The following NRTN variants were observed in gnomAD, a reference collection of about 807,000 sequenced individuals.
NRTN encodes prepro-neurturin.
NRTN carries 3 observed loss-of-function variants against 7.5 expected under a neutral mutation model. That is an observed-to-expected ratio of 0.40 (90% CI 0.18 to 1.03). NRTN has a LOEUF of 1.03. Among genes scored for constraint, NRTN ranks in the 50% least tolerant of loss-of-function variants. NRTN has a pLI of 0.34. For missense variants in NRTN, 310 were observed against 307.0 expected (o/e 1.01, Z -0.07); for synonymous variants, 157 against 146.6 (o/e 1.07, Z -0.51).
Position 5,806,724 on chromosome 19 carries a change from A to G in NRTN, c.-399+1273A>G, listed in dbSNP as rs967576032. Among the ~76,000 whole-genome samples, 2 of 152,156 alleles carry G rather than the reference A, an allele frequency of 1.3e-5. No individual in the cohort carries two copies. The highest frequency in any genetic ancestry group is 1.3e-4 in the Admixed American group (2 of 15,272). On this transcript the variant is annotated intron_variant, in intron 1 of 2. Transcript: ENST00000303212. This position sits in a 1 kb window ranked among gnomAD's most constrained non-coding sequence, Gnocchi z 5.4. ...AAAGCTTCTTCCAGGGGTGCAGGGA[A>G]GAAAATAAAACATTCCCCTCTTCAG...
chr19:5,810,702 G>A (rs1478089254), intron 1 of NRTN, among the ~76,000 whole-genome samples: 1 of 152,090 alleles, frequency 6.6e-6, no homozygotes, highest in Non-Finnish European at 1.5e-5. Flanking sequence ...GGGAGGCCGA[G>A]GCGGGCGGAT....
intron 1 of NRTN, among the ~76,000 whole-genome samples, chr19:5,813,733 G>A (rs1219609598): frequency 1.3e-5 from 2 of 151,652 alleles, no homozygotes; most frequent in African/African-American, 2.4e-5. Context: ...CCAGTTACTC[G>A]GGAGGCTGAG....
At chr19:5,808,908 A>T (rs929473835) in intron 1 of NRTN, among the ~76,000 whole-genome samples, 16 of 151,074 alleles carry the variant, frequency 1.1e-4, no homozygotes, top group Non-Finnish European at 1.5e-4. Context: ...GGCGCCCACC[A>T]CCACGCCCGG....
intron 2 of NRTN, among the ~76,000 whole-genome samples, chr19:5,827,029 A>T (rs1028323579): frequency 6.6e-6 from 1 of 152,150 alleles, no homozygotes; most frequent in East Asian, 1.9e-4. Flanking sequence ...TGGGGTCCCC[A>T]CACAGGCTTC....
chr19:5,824,234 T>G lies in NRTN; in HGVS notation c.69T>G (p.Cys23Trp). 2 of 1,612,422 alleles carry G rather than the reference T, an allele frequency of 1.2e-6. No individual in the cohort carries two copies. The highest frequency in any genetic ancestry group is 1.7e-6 in the Non-Finnish European group (2 of 1,179,906). Residue 23 changes from cysteine (C) to tryptophan (W), a missense_variant, in exon 2 of 3, where the codon TGT becomes TGG. Coordinates refer to ENST00000303212, the MANE Select transcript of NRTN (RefSeq NM_004558.5). ...LCSSVLSIWMCREGLLLSHRL... is the reference protein window; with the variant it reads ...LCSSVLSIWMWREGLLLSHRL... Reference sequence around the variant, plus strand: ...GCTCCGTGCTGTCCATCTGGATGTGTCGAGAGGGCCTGCTTCTCAGCCACC... The same window carrying G: ...GCTCCGTGCTGTCCATCTGGATGTGGCGAGAGGGCCTGCTTCTCAGCCACC...
At chr19:5,809,054 C>T (rs999633760) in intron 1 of NRTN, among the ~76,000 whole-genome samples, 1 of 151,372 alleles carries the variant, frequency 6.6e-6, no homozygotes, top group African/African-American at 2.4e-5. Flanking sequence ...TGCGCCCGTC[C>T]AATGGTGGCA....
At position 5,813,676 on chromosome 19, in the gene NRTN, G is replaced by A. The variant is rs371180317; in HGVS notation, c.-399+8225G>A. Among the ~76,000 whole-genome samples, 5 of 140,628 alleles carry A rather than the reference G, an allele frequency of 3.6e-5. No homozygotes were observed. The East Asian group carries it at 1.0e-3, about 29-fold the overall frequency. The allele number at this position is 140,628 out of a possible 152,430, so 92.3% of individuals were successfully genotyped here. On this transcript the variant is annotated intron_variant, in intron 1 of 2. Coordinates refer to ENST00000303212, the MANE Select transcript of NRTN (RefSeq NM_004558.5). Reference sequence around the variant, plus strand: ...AGCTTGGGCAACAGAGCAAGACTCCGTCTGAAAAAAAAAAAAAGCCAGGCA... The same window carrying A: ...AGCTTGGGCAACAGAGCAAGACTCCATCTGAAAAAAAAAAAAAGCCAGGCA...
chr19:5,817,949 A>G (rs963272054), intron 1 of NRTN, among the ~76,000 whole-genome samples: 40 of 150,818 alleles, frequency 2.7e-4, no homozygotes, highest in African/African-American at 9.3e-4. Flanking sequence ...ACAGGCGCAC[A>G]CTGCCACACC....
At chr19:5,819,378 TTGG>T (rs920592510) in intron 1 of NRTN, among the ~76,000 whole-genome samples, 48 of 151,496 alleles carry the variant, frequency 3.2e-4, no homozygotes, top group African/African-American at 1.2e-3. Flanking sequence ...AATATAAAAA[TTGG>T]TCAGGTGTGG....
rs761034265 is a variant in NRTN at position 5,827,724 on chromosome 19, C to G, written c.170-25C>G. 9.4e-6 allele frequency: 11 copies of G among 1,174,926 alleles called. No individual in the cohort carries two copies. In the Admixed American group the frequency reaches 3.9e-4, roughly 42 times the overall value. The allele number at this position is 1,174,926 out of a possible 1,614,324, so 72.8% of individuals were successfully genotyped here. A position where few individuals can be genotyped will look rare whatever the true frequency, so the allele number is the denominator to read the frequency against. ...CACCCCCTGCACCCACTGACCCCCC[C>G]TCCTTTCTCTTCCTCCCCTCGCAGA... On this transcript the variant is annotated intron_variant, in intron 2 of 2. Coordinates refer to ENST00000303212, the MANE Select transcript of NRTN (RefSeq NM_004558.5).
chr19:5,808,800 G>A (rs2056981325), intron 1 of NRTN, among the ~76,000 whole-genome samples: 1 of 147,530 alleles, frequency 6.8e-6, no homozygotes, highest in Admixed American at 6.9e-5. Context: ...CTGTCACCCA[G>A]GTTGGAGTGC....
intron 1 of NRTN, among the ~76,000 whole-genome samples, chr19:5,807,034 C>T (rs1052473103): frequency 6.6e-6 from 1 of 152,168 alleles, no homozygotes; most frequent in Non-Finnish European, 1.5e-5. Flanking sequence ...GGATGGAGGG[C>T]TCTACCTCAG....
At chr19:5,824,377 G>A (rs926230036) in intron 2 of NRTN, 43 bp downstream of exon 2, 5 of 1,563,434 alleles carry the variant, frequency 3.2e-6, no homozygotes, top group African/African-American at 2.7e-5. Context: ...CCCAACGTAA[G>A]GGGTAGAATT....
chr19:5,809,316 A>C (rs1044094076), intron 1 of NRTN, among the ~76,000 whole-genome samples: 1 of 151,766 alleles, frequency 6.6e-6, no homozygotes, highest in Non-Finnish European at 1.5e-5. Context: ...GACTACAGGT[A>C]CATGCCACCA....
At chr19:5,818,783 G>A (rs181296607) in intron 1 of NRTN, among the ~76,000 whole-genome samples, 23 of 151,412 alleles carry the variant, frequency 1.5e-4, no homozygotes, top group African/African-American at 5.3e-4. Context: ...ACCTGGTCGC[G>A]TCCGTGCCAG....
At chr19:5,817,504 GA>G (rs1258748948) in intron 1 of NRTN, among the ~76,000 whole-genome samples, 11 of 135,398 alleles carry the variant, frequency 8.1e-5, no homozygotes, top group African/African-American at 3.2e-4. Context: ...AGAAAGGAAG[GA>G]AGGGAGGGAG....
chr19:5,807,599 G>A (rs2056978342), intron 1 of NRTN, among the ~76,000 whole-genome samples: 1 of 152,230 alleles, frequency 6.6e-6, no homozygotes, highest in Non-Finnish European at 1.5e-5. Context: ...GAATGGAGGG[G>A]TCTCCCTGTC....
At chr19:5,811,269 TAATAAAAGAAA>T (rs1210163901) in intron 1 of NRTN, among the ~76,000 whole-genome samples, 2 of 152,002 alleles carry the variant, frequency 1.3e-5, no homozygotes, top group African/African-American at 4.8e-5. Flanking sequence ...ATTGATTGGA[TAATAAAAGAAA>T]AAAGAATATG....
At chr19:5,819,233 G>A (rs929405133) in intron 1 of NRTN, among the ~76,000 whole-genome samples, 2 of 93,538 alleles carry the variant, frequency 2.1e-5, no homozygotes, top group Non-Finnish European at 5.2e-5. Context: ...TGGGGATAAG[G>A]GTATTACTTG....
Sources: allele counts gnomAD v4.1 joint callset (sites outside exome capture counted in the v4.1 genomes callset), GRCh38; gene constraint gnomAD v4.1.1; non-coding constraint Gnocchi (gnomAD v3.1); transcripts MANE v1.5; gene names NCBI Gene and HGNC (gene_info 2026-07-23, HGNC 2026-07-21).